The following RBFOX3 variants were observed in gnomAD, a reference collection of about 807,000 sequenced individuals.
RBFOX3 encodes the protein RNA binding protein fox-1 homolog 3.
A neutral mutation model predicts 48.7 loss-of-function variants in RBFOX3; 17 were observed. The ratio of observed to expected loss-of-function variants is 0.35; its 90% CI spans 0.24 to 0.52. The LOEUF is 0.52. Among genes scored for constraint, RBFOX3 ranks in the 20% least tolerant of loss-of-function variants. The pLI is 0.94. For missense variants in RBFOX3, 382 were observed against 497.5 expected, an observed-to-expected ratio of 0.77 and a Z score of 2.21; for synonymous variants, 212 against 209.5, an observed-to-expected ratio of 1.01 and a Z score of -0.10.
the RBFOX3 span, among the ~76,000 whole-genome samples, chr17:79,649,054 C>A: frequency 1.3e-5 from 2 of 150,004 alleles, no homozygotes; most frequent in African/African-American, 2.5e-5. Flanking sequence ...TTGCAGCTCA[C>A]TGCAGCCTCC....
rs369759698 is a variant in RBFOX3 at position 79,352,286 on chromosome 17, T to C, written c.-174-44462A>G. 2.0e-3 allele frequency among the ~76,000 whole-genome samples: 310 copies of C among 152,264 alleles called. 1 individual carries two copies. The highest frequency in any genetic ancestry group is 7.1e-3 in the African/African-American group (293 of 41,540). ...CTCATGAGTGAGTTCTCATGATATC[T>C]GGTTGTTTAAAAGTGTGTAGCACTG... On this transcript the variant is annotated intron_variant, in intron 2 of 14. Transcript: ENST00000693108.
At chr17:79,652,543 ACGAG>A in the RBFOX3 span, among the ~76,000 whole-genome samples, 1 of 88,208 alleles carries the variant, frequency 1.1e-5, no homozygotes, top group South Asian at 4.8e-4. Flanking sequence ...GGGGAAAAGA[ACGAG>A]AGAAAGAGAG....
chr17:79,545,967 C>T (rs374540810), intron 1 of RBFOX3, among the ~76,000 whole-genome samples: 22 of 152,344 alleles, frequency 1.4e-4, no homozygotes, highest in East Asian at 1.2e-3. Flanking sequence ...TGCGTGTGCA[C>T]GTGTGTGTGC....
intron 1 of RBFOX3, among the ~76,000 whole-genome samples, chr17:79,609,052 C>G (rs1292612196): frequency 6.6e-6 from 1 of 152,152 alleles, no homozygotes; most frequent in Non-Finnish European, 1.5e-5. Flanking sequence ...CCCTCTCTCC[C>G]CTCACAATTT....
At chr17:79,397,493 CAA>C (rs201344788) in intron 2 of RBFOX3, among the ~76,000 whole-genome samples, 66 of 119,730 alleles carry the variant, frequency 5.5e-4, no homozygotes, top group African/African-American at 1.3e-3. Flanking sequence ...ACTCCATCCC[CAA>C]AAAAAAAAAA....
intron 4 of RBFOX3, among the ~76,000 whole-genome samples, chr17:79,193,944 G>C (rs2055023184): frequency 6.6e-6 from 1 of 152,152 alleles, no homozygotes; most frequent in African/African-American, 2.4e-5. Flanking sequence ...GAGGAGGTGG[G>C]AGTGGGAGAG....
At chr17:79,384,582 C>T (rs1211907297) in intron 2 of RBFOX3, among the ~76,000 whole-genome samples, 2 of 152,222 alleles carry the variant, frequency 1.3e-5, no homozygotes, top group African/African-American at 4.8e-5. Flanking sequence ...AATCAAGGGG[C>T]CGGAGCCCTG....
At chr17:79,590,399 T>C (rs1327625315) in intron 1 of RBFOX3, among the ~76,000 whole-genome samples, 1 of 152,196 alleles carries the variant, frequency 6.6e-6, no homozygotes, top group African/African-American at 2.4e-5. Flanking sequence ...AAAAGGCACA[T>C]GGATATTCCT....
chr17:79,386,383 A>G (rs1265371739), intron 2 of RBFOX3, among the ~76,000 whole-genome samples: 4 of 152,080 alleles, frequency 2.6e-5, no homozygotes, highest in Admixed American at 2.0e-4. Context: ...TGAGGGCTCC[A>G]TCACCTCCTG....
At chr17:79,495,019 C>A (rs1430604018) in intron 1 of RBFOX3, among the ~76,000 whole-genome samples, 1 of 152,146 alleles carries the variant, frequency 6.6e-6, no homozygotes, top group African/African-American at 2.4e-5. Context: ...CAGTGGCCAT[C>A]TGGGATATGG....
intron 4 of RBFOX3, among the ~76,000 whole-genome samples, chr17:79,187,581 A>T (rs1046451977): frequency 1.3e-5 from 2 of 151,664 alleles, no homozygotes; most frequent in African/African-American, 4.8e-5. Context: ...AGATCTCCAC[A>T]GTGGGGTGGG....
intron 14 of RBFOX3, chr17:79,092,227 A>G: frequency 2.0e-6 from 2 of 985,502 alleles, no homozygotes; most frequent in Non-Finnish European, 2.4e-6. Flanking sequence ...TTGCCCTCAT[A>G]GGGCGCTACC....
At chr17:79,538,536 T>C (rs1283455137) in intron 1 of RBFOX3, among the ~76,000 whole-genome samples, 1 of 152,196 alleles carries the variant, frequency 6.6e-6, no homozygotes, top group African/African-American at 2.4e-5. Flanking sequence ...GAGCTGAGCT[T>C]TCCCTAGGCA....
intron 1 of RBFOX3, among the ~76,000 whole-genome samples, chr17:79,555,520 G>C (rs943910397): frequency 4.7e-5 from 1 of 21,118 alleles, no homozygotes; most frequent in African/African-American, 2.4e-4. Context: ...GATGGTGGTG[G>C]TGATGGTAGT....
the RBFOX3 span, among the ~76,000 whole-genome samples, chr17:79,661,235 G>A: frequency 1.3e-5 from 2 of 152,070 alleles, no homozygotes; most frequent in Admixed American, 6.6e-5. Context: ...ATCTACCTAT[G>A]TAACAAACCT....
At chr17:79,201,431 G>T (rs976692544) in intron 4 of RBFOX3, among the ~76,000 whole-genome samples, 5 of 151,052 alleles carry the variant, frequency 3.3e-5, no homozygotes, top group African/African-American at 1.2e-4. Flanking sequence ...CAGGTGGCCT[G>T]CTGTGAGCTC....
At chr17:79,341,387 T>C (rs1188743440) in intron 2 of RBFOX3, among the ~76,000 whole-genome samples, 2 of 152,242 alleles carry the variant, frequency 1.3e-5, no homozygotes, top group Non-Finnish European at 2.9e-5. Flanking sequence ...CCTCATACTA[T>C]ACAGCTTCAT....
the RBFOX3 span, among the ~76,000 whole-genome samples, chr17:79,655,025 G>A: frequency 6.6e-6 from 1 of 152,194 alleles, no homozygotes; most frequent in Non-Finnish European, 1.5e-5. Flanking sequence ...CCATTAGCAC[G>A]AGTCTGAGGC....
chr17:79,430,920 C>T (rs536323396), intron 2 of RBFOX3, among the ~76,000 whole-genome samples: 20 of 152,166 alleles, frequency 1.3e-4, no homozygotes, highest in Non-Finnish European at 2.2e-4. Context: ...AAAACAGACA[C>T]GCTCAGAGCC....
Sources: gnomAD v4.1 joint callset for allele counts (sites outside exome capture counted in the v4.1 genomes callset) on GRCh38, gnomAD v4.1.1 for gene constraint, MANE v1.5 for transcripts, NCBI Gene and HGNC (gene_info 2026-07-23, HGNC 2026-07-21) for gene names.